PPP1R16B: variants seen among roughly 807,000 people sequenced by gnomAD.
PPP1R16B encodes protein phosphatase 1 regulatory subunit 16B.
In PPP1R16B, 14 loss-of-function variants were observed where a neutral mutation model predicts 61.7. That is an observed-to-expected ratio of 0.23 (90% CI 0.15 to 0.35). PPP1R16B has a LOEUF of 0.35. PPP1R16B is among the 10% of genes least tolerant of loss of function. The pLI is 1.00. For missense variants in PPP1R16B, 547 were observed against 752.5 expected (o/e 0.73, Z 3.19); for synonymous variants, 266 against 305.3 (o/e 0.87, Z 1.34).
chr20:38,899,292 T>C (rs1044176465), intron 4 of PPP1R16B, among the ~76,000 whole-genome samples: 1 of 152,156 alleles, frequency 6.6e-6, no homozygotes, highest in African/African-American at 2.4e-5. Context: ...CTAATTCTGC[T>C]AGGAGCATCA....
chr20:38,913,542 T>A (rs1034141307), intron 10 of PPP1R16B, among the ~76,000 whole-genome samples: 1 of 152,158 alleles, frequency 6.6e-6, no homozygotes, highest in Non-Finnish European at 1.5e-5. Context: ...ATTACGGGCG[T>A]GAGCCACCAT....
chr20:38,891,384 G>C (rs1431409433), intron 3 of PPP1R16B, among the ~76,000 whole-genome samples: 1 of 152,198 alleles, frequency 6.6e-6, no homozygotes, highest in African/African-American at 2.4e-5. Flanking sequence ...AGCAGCACTC[G>C]ATACTGGATA....
chr20:38,872,129 G>A (rs2085134465), intron 2 of PPP1R16B, among the ~76,000 whole-genome samples: 1 of 152,172 alleles, frequency 6.6e-6, no homozygotes, highest in South Asian at 2.1e-4. Context: ...GCCTGCTGAG[G>A]GCACTTAAGT....
intron 1 of PPP1R16B, among the ~76,000 whole-genome samples, chr20:38,808,893 C>G (rs1317852172): frequency 6.6e-6 from 1 of 152,040 alleles, no homozygotes; most frequent in Admixed American, 6.6e-5. Flanking sequence ...ATTAGTGCAG[C>G]ATGGTGGCGC....
At chr20:38,888,875 GAACA>G (rs1178581068) in intron 2 of PPP1R16B, among the ~76,000 whole-genome samples, 8 of 92,530 alleles carry the variant, frequency 8.6e-5, no homozygotes, top group Non-Finnish European at 1.7e-4. Flanking sequence ...CAGAATCCCT[GAACA>G]CACACACACA....
intron 1 of PPP1R16B, among the ~76,000 whole-genome samples, chr20:38,834,562 TTAAC>T (rs1305805623): frequency 6.6e-6 from 1 of 152,190 alleles, no homozygotes; most frequent in Non-Finnish European, 1.5e-5. Context: ...GAGAGAAACT[TTAAC>T]TAAGATTTTC....
At chr20:38,870,165 T>C (rs567670221) in intron 2 of PPP1R16B, among the ~76,000 whole-genome samples, 6 of 152,128 alleles carry the variant, frequency 3.9e-5, no homozygotes, top group African/African-American at 1.2e-4. Flanking sequence ...CTCAAGTGAT[T>C]CACCTCAAGT....
At chr20:38,834,494 C>T (rs1026925355) in intron 1 of PPP1R16B, among the ~76,000 whole-genome samples, 6 of 152,284 alleles carry the variant, frequency 3.9e-5, no homozygotes, top group Admixed American at 2.0e-4. Context: ...TTGTTGACCT[C>T]ATGTTATTTG....
intron 5 of PPP1R16B, 29 bp from the exon 6 acceptor site, chr20:38,902,639 C>G (rs201726371): frequency 6.2e-7 from 1 of 1,613,830 alleles, no homozygotes; most frequent in East Asian, 2.2e-5. Flanking sequence ...CCTGAGGGTG[C>G]TAAATAAATC....
Position 38,836,143 on chromosome 20 carries a change from T to A in PPP1R16B, c.218T>A (p.Leu73Gln). The A allele has an allele frequency of 6.2e-7, 1 of 1,611,642 alleles. No homozygotes were observed. The highest frequency in any genetic ancestry group is 1.1e-5 in the South Asian group (1 of 91,024). ...TCCTTCGAGGCCAGCGTGGCCCTGCTGGAGGCCTCGCTGAGGAACGACGCC... is the reference window on the plus strand; with the variant it reads ...TCCTTCGAGGCCAGCGTGGCCCTGCAGGAGGCCTCGCTGAGGAACGACGCC... ...KVSFEASVAL[L>Q]EASLRNDAEE... The change falls in exon 2 of 11, where the codon CTG becomes CAG. Residue 73 changes from leucine (L) to glutamine (Q), a missense_variant. Leu to Gln is a moderately radical substitution (Grantham distance 113, BLOSUM62 -2). Transcript: ENST00000299824.
Position 38,907,703 on chromosome 20 carries a change from G to A in PPP1R16B, c.899-103G>A. ...CCCTGCATGCCCTGAAAGATGCTTG[G>A]AGTTTTCAGTGGGTTGGGGTGGCAG... On this transcript the variant is annotated intron_variant, in intron 8 of 10. Coordinates refer to ENST00000299824, the MANE Select transcript of PPP1R16B (RefSeq NM_015568.4). This position sits in a 1 kb window ranked among gnomAD's most constrained non-coding sequence, Gnocchi z 4.5. The A allele has an allele frequency of 1.4e-6, 2 of 1,439,626 alleles. No homozygotes were observed. Among genetic ancestry groups the A allele is most frequent in the Non-Finnish European group, 1.9e-6 (2 of 1,051,066 alleles). The allele number at this position is 1,439,626 out of a possible 1,614,324, so 89.2% of individuals were successfully genotyped here.
intron 10 of PPP1R16B, among the ~76,000 whole-genome samples, chr20:38,916,384 A>C (rs1286548790): frequency 2.0e-5 from 3 of 147,404 alleles, no homozygotes; most frequent in Admixed American, 1.4e-4. Flanking sequence ...TGTACGTTTT[A>C]TATATATTTA....
intron 2 of PPP1R16B, among the ~76,000 whole-genome samples, chr20:38,850,373 A>C (rs6071605): frequency 0.69 from 104,899 of 152,028 alleles, 36,584 homozygotes; most frequent in African/African-American, 0.78. Context: ...TATTGGGATG[A>C]TATTTCCAGA....
intron 6 of PPP1R16B, among the ~76,000 whole-genome samples, chr20:38,903,297 C>G (rs991619663): frequency 6.6e-6 from 1 of 152,124 alleles, no homozygotes; most frequent in Non-Finnish European, 1.5e-5. Flanking sequence ...TTATTTCCCT[C>G]TCCTCTAATG....
rs1287252569 is a variant in PPP1R16B at position 38,921,856 on chromosome 20, A to C, written c.*3190A>C. On this transcript the variant is annotated 3_prime_UTR_variant, in exon 11 of 11. Coordinates refer to ENST00000299824, the MANE Select transcript of PPP1R16B (RefSeq NM_015568.4). ...AGGAAAAGTTGCTGCTTCCTTCAGC[A>C]TCAAAGCCTTTCCTTGGGAATCTGC... 1 of 152,238 alleles carries C rather than the reference A, an allele frequency of 6.6e-6. No individual in the cohort carries two copies. Among genetic ancestry groups the C allele is most frequent in the Non-Finnish European group, 1.5e-5 (1 of 68,040 alleles). 9.4% of individuals were successfully genotyped at this position (152,238 alleles called of 1,614,324 possible).
intron 1 of PPP1R16B, among the ~76,000 whole-genome samples, chr20:38,830,051 G>A (rs868110349): frequency 6.6e-6 from 1 of 152,226 alleles, no homozygotes; most frequent in African/African-American, 2.4e-5. Flanking sequence ...GCTGGGAGTA[G>A]GGAGGACACT....
chr20:38,876,985 G>A (rs546781234), intron 2 of PPP1R16B, among the ~76,000 whole-genome samples: 1 of 152,206 alleles, frequency 6.6e-6, no homozygotes, highest in South Asian at 2.1e-4. Context: ...TTCCAGTTGA[G>A]ATTCCATTGA....
intron 1 of PPP1R16B, among the ~76,000 whole-genome samples, chr20:38,822,504 CTTTTTT>C (rs972450839): frequency 9.6e-6 from 1 of 104,208 alleles, no homozygotes; most frequent in African/African-American, 3.6e-5. Flanking sequence ...GCCTTCCAAT[CTTTTTT>C]TTTTTTTTTT....
chr20:38,893,235 A>G (rs1021383805), intron 3 of PPP1R16B, among the ~76,000 whole-genome samples: 7 of 152,214 alleles, frequency 4.6e-5, no homozygotes, highest in African/African-American at 1.7e-4. Flanking sequence ...ACATGCTATT[A>G]CTGTTGCTGC....
Sources: gnomAD v4.1 joint callset for allele counts (sites outside exome capture counted in the v4.1 genomes callset) on GRCh38, gnomAD v4.1.1 for gene constraint, Gnocchi (gnomAD v3.1) non-coding constraint, MANE v1.5 for transcripts, NCBI Gene and HGNC (gene_info 2026-07-23, HGNC 2026-07-21) for gene names.